Variants in INPP4B observed in about 807,000 individuals in gnomAD.
INPP4B encodes inositol polyphosphate 4-phosphatase type II.
A neutral mutation model predicts 122.5 loss-of-function variants in INPP4B; 55 were observed. The observed-to-expected ratio is 0.45, with a 90% CI of 0.36 to 0.56. INPP4B has a LOEUF of 0.56. Among genes scored for constraint, INPP4B ranks in the 20% least tolerant of loss-of-function variants. The probability of loss-of-function intolerance (pLI) is 0.00; values close to 1 mark genes in which losing one functional copy is unlikely to be tolerated. For missense variants in INPP4B, 1,000 were observed against 1,097.7 expected (o/e 0.91, Z 1.26); for synonymous variants, 403 against 388.7 (o/e 1.04, Z -0.43).
chr4:142,504,419 T>C (rs1335312211), intron 2 of INPP4B, among the ~76,000 whole-genome samples: 1 of 152,158 alleles, frequency 6.6e-6, no homozygotes, highest in African/African-American at 2.4e-5. Flanking sequence ...AGTGTGAAGA[T>C]GACTTGTTTT....
intron 2 of INPP4B, among the ~76,000 whole-genome samples, chr4:142,678,611 A>T (rs1197435517): frequency 6.6e-6 from 1 of 151,932 alleles, no homozygotes; most frequent in Non-Finnish European, 1.5e-5. Context: ...CAGACTTGAC[A>T]CTCAACGTAA....
chr4:142,656,042 A>T (rs1180470441), intron 2 of INPP4B, among the ~76,000 whole-genome samples: 4 of 152,200 alleles, frequency 2.6e-5, no homozygotes, highest in Non-Finnish European at 5.9e-5. Flanking sequence ...GCCAGGTGGG[A>T]GGGGGTCCCT....
At chr4:142,074,442 T>G (rs1769335897) in intron 25 of INPP4B, among the ~76,000 whole-genome samples, 1 of 152,160 alleles carries the variant, frequency 6.6e-6, no homozygotes, top group South Asian at 2.1e-4. Flanking sequence ...GGAACACATG[T>G]GCATGCCTTG....
At chr4:142,374,053 C>T (rs141859793) in intron 7 of INPP4B, among the ~76,000 whole-genome samples, 1 of 151,980 alleles carries the variant, frequency 6.6e-6, no homozygotes, top group African/African-American at 2.4e-5. Context: ...TGTGAATGAA[C>T]ATGCAGAAAG....
chr4:142,426,567 C>G (rs539340760), intron 5 of INPP4B: 25 of 151,952 alleles, frequency 1.6e-4, no homozygotes, highest in Non-Finnish European at 3.4e-4. Context: ...TTTTTCAGTA[C>G]ATGCTTATCT....
At chr4:142,775,687 A>G (rs369858371) in intron 1 of INPP4B, among the ~76,000 whole-genome samples, 9 of 152,004 alleles carry the variant, frequency 5.9e-5, no homozygotes, top group African/African-American at 1.9e-4. Context: ...TTCTTTAGTG[A>G]GTGAAATATC....
chr4:142,661,074 G>A (rs1433174991), intron 2 of INPP4B: 1 of 152,222 alleles, frequency 6.6e-6, no homozygotes, highest in East Asian at 1.9e-4. Context: ...TTGAAGCAGG[G>A]AGGAGCCTGC....
In INPP4B at chr4:142,027,822, T is replaced by C. The variant is rs2152250608; in HGVS notation, c.*960A>G. 5.9e-6 allele frequency: 1 copy of C among 169,586 alleles called. No homozygotes were observed. The highest frequency in any genetic ancestry group is 1.3e-5 in the Non-Finnish European group (1 of 78,014). 10.5% of individuals were successfully genotyped at this position (169,586 alleles called of 1,614,324 possible). On this transcript the variant is annotated 3_prime_UTR_variant, in exon 26 of 26. Coordinates refer to ENST00000262992, the MANE Select transcript of INPP4B (RefSeq NM_001101669.3). ...TTCAGGGCAACAGAAAATAATTGTT[T>C]TACTTTATCATTTGTTGTGGTTGCA...
chr4:142,654,680 T>C (rs1413159561), intron 2 of INPP4B: 1 of 152,194 alleles, frequency 6.6e-6, no homozygotes, highest in African/African-American at 2.4e-5. Context: ...GCTTCTTCCA[T>C]CTAACATTAC....
chr4:142,055,695 T>A (rs1020849610), intron 25 of INPP4B, among the ~76,000 whole-genome samples: 1 of 150,540 alleles, frequency 6.6e-6, no homozygotes, highest in African/African-American at 2.5e-5. Flanking sequence ...CTACTAAATC[T>A]TTTTTTTTTG....
At chr4:142,575,847 C>A (rs923607480) in intron 2 of INPP4B, among the ~76,000 whole-genome samples, 1 of 152,038 alleles carries the variant, frequency 6.6e-6, no homozygotes, top group African/African-American at 2.4e-5. Flanking sequence ...ACCATTACAT[C>A]CTTTTTACCC....
intron 15 of INPP4B, among the ~76,000 whole-genome samples, chr4:142,192,281 T>A (rs558979399): frequency 3.3e-5 from 2 of 60,952 alleles, no homozygotes; most frequent in African/African-American, 4.7e-5. Flanking sequence ...TCACCATGGT[T>A]AAAAAAAAAA....
chr4:142,820,997 A>G (rs888966938), intron 1 of INPP4B, among the ~76,000 whole-genome samples: 1 of 152,074 alleles, frequency 6.6e-6, no homozygotes, highest in African/African-American at 2.4e-5. Context: ...CTTTCTCATG[A>G]TTTCTATTAC....
intron 2 of INPP4B, among the ~76,000 whole-genome samples, chr4:142,696,304 A>G (rs1444839285): frequency 1.3e-5 from 2 of 152,196 alleles, no homozygotes; most frequent in African/African-American, 4.8e-5. Context: ...AAGCCCCAGG[A>G]GAACTTTCCA....
At chr4:142,666,033 C>A (rs1415720929) in intron 2 of INPP4B, among the ~76,000 whole-genome samples, 1 of 152,138 alleles carries the variant, frequency 6.6e-6, no homozygotes, top group East Asian at 1.9e-4. Flanking sequence ...TGGCCTATTT[C>A]TCTCTAAAAA....
At chr4:142,786,198 A>G (rs1775737428) in intron 1 of INPP4B, among the ~76,000 whole-genome samples, 1 of 152,100 alleles carries the variant, frequency 6.6e-6, no homozygotes, top group African/African-American at 2.4e-5. Context: ...TCTAGGACTG[A>G]GGCAAGAAAT....
intron 19 of INPP4B, 126 bp from the exon 20 acceptor site, chr4:142,123,541 A>C: frequency 1.2e-6 from 1 of 847,680 alleles, no homozygotes; most frequent in Non-Finnish European, 1.8e-6. Flanking sequence ...AACTACAACT[A>C]TTTGGTAGGC....
At chr4:142,304,737 A>G (rs1762706403) in intron 9 of INPP4B, among the ~76,000 whole-genome samples, 1 of 152,160 alleles carries the variant, frequency 6.6e-6, no homozygotes, top group Non-Finnish European at 1.5e-5. Flanking sequence ...TACCATAAAA[A>G]TAGTGCAAGG....
intron 2 of INPP4B, among the ~76,000 whole-genome samples, chr4:142,660,381 C>T (rs900982774): frequency 6.6e-6 from 1 of 152,102 alleles, no homozygotes; most frequent in Non-Finnish European, 1.5e-5. Context: ...GGTAGCCATT[C>T]ATCTTCAGTC....
Sources: gnomAD v4.1 joint callset for allele counts (sites outside exome capture counted in the v4.1 genomes callset) on GRCh38, gnomAD v4.1.1 for gene constraint, MANE v1.5 for transcripts, NCBI Gene and HGNC (gene_info 2026-07-23, HGNC 2026-07-21) for gene names.